The following CD200R1 variants were observed in gnomAD, a reference collection of about 807,000 sequenced individuals.
The protein encoded by CD200R1 is CD200 receptor 1.
Under a neutral mutation model 38.1 loss-of-function variants are expected in CD200R1, and 30 were observed. The observed-to-expected ratio is 0.79, with a 90% CI of 0.59 to 1.07. The LOEUF is 1.07. CD200R1 is among the 50% of genes least tolerant of loss of function. CD200R1 has a pLI of 0.00. For synonymous variants in CD200R1, 128 were observed against 152.1 expected, an observed-to-expected ratio of 0.84 and a Z score of 1.16; for missense variants, 372 against 415.4, an observed-to-expected ratio of 0.90 and a Z score of 0.91.
chr3:112,961,354 T>C (rs1933015139), intron 1 of CD200R1, among the ~76,000 whole-genome samples: 1 of 152,056 alleles, frequency 6.6e-6, no homozygotes, highest in Non-Finnish European at 1.5e-5. Context: ...ATCAGATTCT[T>C]ATTTCACTTC....
chr3:112,966,805 C>T (rs148666875), intron 1 of CD200R1, among the ~76,000 whole-genome samples: 52 of 152,168 alleles, frequency 3.4e-4, no homozygotes, highest in Admixed American at 2.5e-3. Context: ...AGCTAGGATC[C>T]CTTCTCCTTT....
chr3:112,932,512 C>A (rs1050117801), intron 2 of CD200R1, among the ~76,000 whole-genome samples: 30 of 152,002 alleles, frequency 2.0e-4, no homozygotes, highest in African/African-American at 7.3e-4. Flanking sequence ...TCCTGTGCCT[C>A]CTCCCCAACA....
At chr3:112,950,552 T>C (rs527458752) in intron 1 of CD200R1, among the ~76,000 whole-genome samples, 2 of 152,336 alleles carry the variant, frequency 1.3e-5, no homozygotes, top group East Asian at 3.9e-4. Context: ...TATAAACAAC[T>C]AATATAGTTA....
At chr3:112,941,327 A>G (rs1489370819) in intron 2 of CD200R1, among the ~76,000 whole-genome samples, 1 of 151,752 alleles carries the variant, frequency 6.6e-6, no homozygotes, top group African/African-American at 2.4e-5. Context: ...ACACAAGGAA[A>G]TGTTTGAAGT....
chr3:112,970,195 A>G (rs1933267915), intron 1 of CD200R1, among the ~76,000 whole-genome samples: 1 of 152,036 alleles, frequency 6.6e-6, no homozygotes, highest in African/African-American at 2.4e-5. Context: ...AAAGAAATAG[A>G]AAAACTTTTA....
chr3:112,950,692 A>T (rs954273107), intron 1 of CD200R1, among the ~76,000 whole-genome samples: 4 of 152,058 alleles, frequency 2.6e-5, no homozygotes, highest in Non-Finnish European at 4.4e-5. Flanking sequence ...CAAAAACATT[A>T]AAAAAAACTG....
intron 1 of CD200R1, among the ~76,000 whole-genome samples, chr3:112,961,335 TAAAAC>T (rs1933014930): frequency 6.6e-6 from 1 of 151,814 alleles, no homozygotes; most frequent in African/African-American, 2.4e-5. Context: ...TGTGGGAAAA[TAAAAC>T]AAAATCAGAT....
At chr3:112,924,396 G>GA in intron 7 of CD200R1, 94 bp downstream of exon 7, 1 of 980,926 alleles carries the variant, frequency 1.0e-6, no homozygotes, top group Non-Finnish European at 1.3e-6. Flanking sequence ...TTTTTCAACT[G>GA]AAACACTAAT....
intron 2 of CD200R1, among the ~76,000 whole-genome samples, chr3:112,935,420 A>G (rs1376487115): frequency 6.6e-6 from 1 of 152,236 alleles, no homozygotes; most frequent in Non-Finnish European, 1.5e-5. Context: ...ATTAGAAATC[A>G]ATAACAAGAG....
chr3:112,971,966 T>C (rs1933320752), intron 1 of CD200R1, among the ~76,000 whole-genome samples: 1 of 152,166 alleles, frequency 6.6e-6, no homozygotes, highest in African/African-American at 2.4e-5. Context: ...AATTTCTCCC[T>C]CCTTTAGATT....
intron 6 of CD200R1, 119 bp downstream of exon 6, chr3:112,924,966 T>G (rs890261547): frequency 2.9e-6 from 2 of 678,848 alleles, no homozygotes; most frequent in African/African-American, 1.9e-5. Flanking sequence ...CCTTCAAGAT[T>G]TGATTATGGG....
At chr3:112,936,094 T>G (rs1940571809) in intron 2 of CD200R1, among the ~76,000 whole-genome samples, 2 of 152,180 alleles carry the variant, frequency 1.3e-5, no homozygotes, top group African/African-American at 2.4e-5. Context: ...GATAATCTAA[T>G]CACCTCCACC....
At chr3:112,925,817 ATCAT>A (rs1224972627) in intron 5 of CD200R1, among the ~76,000 whole-genome samples, 1 of 152,176 alleles carries the variant, frequency 6.6e-6, no homozygotes, top group Non-Finnish European at 1.5e-5. Context: ...ATCTATATAG[ATCAT>A]TCAATAATGT....
chr3:112,963,895 C>A (rs1279459568), intron 1 of CD200R1, among the ~76,000 whole-genome samples: 1 of 152,134 alleles, frequency 6.6e-6, no homozygotes, highest in African/African-American at 2.4e-5. Flanking sequence ...GTTTTGTGGG[C>A]CAGGTCAGGA....
chr3:112,974,958 G>T lies in CD200R1; in HGVS notation c.-101C>A. 3 of 887,260 alleles carry T rather than the reference G, an allele frequency of 3.4e-6. No homozygotes were observed. The highest frequency in any genetic ancestry group is 1.4e-5 in the South Asian group (1 of 71,936). The allele number at this position is 887,260 out of a possible 1,614,324, so 55.0% of individuals were successfully genotyped here. On this transcript the variant is annotated 5_prime_UTR_variant, in exon 1 of 8. It adds an upstream start codon to the 5' untranslated region. Coordinates refer to ENST00000308611, the MANE Select transcript of CD200R1 (RefSeq NM_138806.4). ...GAGACCCTCTCTGGTCAACTTCTCA[G>T]TACAGGATCCTCTTACCCCATCAAC...
chr3:112,932,850 T>C (rs566820372), intron 2 of CD200R1, among the ~76,000 whole-genome samples: 5 of 152,002 alleles, frequency 3.3e-5, no homozygotes, highest in Admixed American at 6.5e-5. Flanking sequence ...TTGGCAAATA[T>C]AACCCCAGGC....
In CD200R1 at chr3:112,921,460, A is replaced by T. The variant is rs980205928; in HGVS notation, c.*2217T>A. ...GATATTGAAAGAGAGAGAGACAGAG[A>T]AAGAGAGAGAAAATTGACAAATCTA... On this transcript the variant is annotated 3_prime_UTR_variant, in exon 8 of 8. Transcript: ENST00000308611. 10 of 152,024 alleles carry T rather than the reference A, an allele frequency of 6.6e-5. No homozygotes were observed. The highest frequency in any genetic ancestry group is 2.4e-4 in the African/African-American group (10 of 41,426). The allele number at this position is 152,024 out of a possible 1,614,324, so 9.4% of individuals were successfully genotyped here. A position where few individuals can be genotyped will look rare whatever the true frequency, so the allele number is the denominator to read the frequency against.
intron 1 of CD200R1, among the ~76,000 whole-genome samples, chr3:112,964,906 T>G (rs1336898278): frequency 1.3e-5 from 2 of 152,184 alleles, no homozygotes; most frequent in Non-Finnish European, 2.9e-5. Flanking sequence ...ATGCTGTTCT[T>G]GTGATAGTGA....
intron 1 of CD200R1, among the ~76,000 whole-genome samples, chr3:112,964,599 C>A (rs1186579352): frequency 6.6e-6 from 1 of 152,212 alleles, no homozygotes; most frequent in African/African-American, 2.4e-5. Context: ...AATGCCTGTA[C>A]CCCCATTGTA....
Sources: gnomAD v4.1 joint callset for allele counts (sites outside exome capture counted in the v4.1 genomes callset) on GRCh38, gnomAD v4.1.1 for gene constraint, MANE v1.5 for transcripts, NCBI Gene and HGNC (gene_info 2026-07-23, HGNC 2026-07-21) for gene names.